Variants in NRG3 observed in about 807,000 individuals in gnomAD.
NRG3 encodes the protein neuregulin 3.
Under a neutral mutation model 66.9 loss-of-function variants are expected in NRG3, and 31 were observed. That is an observed-to-expected ratio of 0.46 (90% CI 0.35 to 0.63). The LOEUF (loss-of-function observed/expected upper bound fraction) is 0.63, where lower values mean the gene tolerates loss of function less well. Among genes scored for constraint, NRG3 ranks in the 20% least tolerant of loss-of-function variants. The pLI is 0.00. For missense variants in NRG3, 910 were observed against 878.9 expected, an observed-to-expected ratio of 1.04 and a Z score of -0.45; for synonymous variants, 393 against 359.4, an observed-to-expected ratio of 1.09 and a Z score of -1.06.
intron 1 of NRG3, among the ~76,000 whole-genome samples, chr10:82,050,104 G>A (rs896490721): frequency 1.1e-4 from 17 of 151,958 alleles, no homozygotes; most frequent in Non-Finnish European, 2.5e-4. Flanking sequence ...AGCAGTGATG[G>A]GGCTGAAGGA....
rs1296189581 is a variant in NRG3 at position 82,017,189 on chromosome 10, G to T, written c.823+141026G>T. Among the ~76,000 whole-genome samples, 4 of 152,242 alleles carry T rather than the reference G, an allele frequency of 2.6e-5. No individual in the cohort carries two copies. The East Asian group carries it at 5.8e-4, about 22-fold the overall frequency. ...TGTGAGTGAGAACACGTGGTGTTCG[G>T]TTTTTTGTCCTTGGGATAGTTTGCT... On this transcript the variant is annotated intron_variant, in intron 1 of 8. Transcript: ENST00000372141.
At chr10:82,888,261 T>TAC (rs778343632) in intron 4 of NRG3, among the ~76,000 whole-genome samples, 1 of 152,156 alleles carries the variant, frequency 6.6e-6, no homozygotes, top group Non-Finnish European at 1.5e-5. Context: ...AGGTGTTTTG[T>TAC]ACACACACAC....
intron 3 of NRG3, among the ~76,000 whole-genome samples, chr10:82,785,618 G>A (rs149183875): frequency 1.7e-3 from 252 of 152,178 alleles, no homozygotes; most frequent in African/African-American, 5.7e-3. Flanking sequence ...TGGACTTTGC[G>A]GAAGGCAACA....
At position 82,369,457 on chromosome 10, in the gene NRG3, C is replaced by T. The variant is rs1174356853; in HGVS notation, c.953+10589C>T. 1.5e-5 allele frequency among the ~76,000 whole-genome samples: 2 copies of T among 137,638 alleles called. 1 individual carries two copies. The highest frequency in any genetic ancestry group is 6.8e-5 in the African/African-American group (2 of 29,334). The allele number at this position is 137,638 out of a possible 152,430, so 90.3% of individuals were successfully genotyped here. Reference sequence around the variant, plus strand: ...GGGACTACAAGTGCACACCATCATGCCTGGCTAATTTTTTAAAGTTTTTGT... The same window carrying T: ...GGGACTACAAGTGCACACCATCATGTCTGGCTAATTTTTTAAAGTTTTTGT... On this transcript the variant is annotated intron_variant, in intron 2 of 8. Transcript: ENST00000372141.
At chr10:82,258,140 G>A (rs1244070847) in intron 1 of NRG3, among the ~76,000 whole-genome samples, 1 of 152,156 alleles carries the variant, frequency 6.6e-6, no homozygotes, top group Admixed American at 6.5e-5. Context: ...CAGTGCTGTA[G>A]GTGCTGTACG....
At chr10:82,876,441 A>G (rs1841827716) in intron 4 of NRG3, among the ~76,000 whole-genome samples, 1 of 152,214 alleles carries the variant, frequency 6.6e-6, no homozygotes, top group Admixed American at 6.5e-5. Flanking sequence ...AAACATTTTT[A>G]TGAATTGAAA....
At chr10:81,885,515 A>G (rs766544991) in intron 1 of NRG3, among the ~76,000 whole-genome samples, 2 of 152,182 alleles carry the variant, frequency 1.3e-5, no homozygotes, top group African/African-American at 2.4e-5. Context: ...ACTACAAACT[A>G]GACCCAATCA....
At chr10:82,196,004 A>G (rs1458567900) in intron 1 of NRG3, among the ~76,000 whole-genome samples, 2 of 152,212 alleles carry the variant, frequency 1.3e-5, no homozygotes, top group Non-Finnish European at 2.9e-5. Flanking sequence ...TCTGACCTGC[A>G]GGACTGCTTT....
chr10:82,968,937 A>G (rs117023117), intron 6 of NRG3, among the ~76,000 whole-genome samples: 2 of 152,326 alleles, frequency 1.3e-5, no homozygotes, highest in East Asian at 3.9e-4. Context: ...AGCAGACACA[A>G]GAGAAGAGAG....
At chr10:82,553,335 C>T (rs1201460859) in intron 2 of NRG3, among the ~76,000 whole-genome samples, 1 of 152,040 alleles carries the variant, frequency 6.6e-6, no homozygotes, top group Non-Finnish European at 1.5e-5. Flanking sequence ...CCGCACCCCC[C>T]ACACAATCAC....
chr10:82,506,443 G>A (rs748414413), intron 2 of NRG3, among the ~76,000 whole-genome samples: 1 of 152,038 alleles, frequency 6.6e-6, no homozygotes, highest in Non-Finnish European at 1.5e-5. Flanking sequence ...GAAACTTTTT[G>A]TAGAGAAGTG....
intron 2 of NRG3, among the ~76,000 whole-genome samples, chr10:82,632,271 A>G (rs182530617): frequency 2.0e-5 from 3 of 152,202 alleles, no homozygotes; most frequent in African/African-American, 7.2e-5. Flanking sequence ...GGCATATCGT[A>G]TACTCTGGGC....
intron 3 of NRG3, among the ~76,000 whole-genome samples, chr10:82,796,915 A>T (rs943645543): frequency 6.6e-6 from 1 of 152,190 alleles, no homozygotes; most frequent in Non-Finnish European, 1.5e-5. Context: ...AAATTATGCC[A>T]TAAAGCTAGT....
chr10:82,985,228 A>G lies in NRG3; in HGVS notation c.1714A>G (p.Ser572Gly). Reference protein sequence around the residue: ...DLVGYSSTRASSVPIIPSVGL... With the variant: ...DLVGYSSTRAGSVPIIPSVGL... ...GGTGGGCTATTCATCCACAAGGGCC[A>G]GTTCTGTGCCCATCATCCCTTCAGT... The change falls in exon 9 of 9, where the codon AGT (serine) becomes GGT (glycine). Residue 572 changes from serine (S) to glycine (G), a missense_variant. Ser to Gly is a moderately conservative substitution (Grantham distance 56). Transcript: ENST00000372141. 6.2e-7 allele frequency: 1 copy of G among 1,614,206 alleles called. No individual in the cohort carries two copies. The highest frequency in any genetic ancestry group is 8.5e-7 in the Non-Finnish European group (1 of 1,180,010).
chr10:82,375,843 A>G (rs1356839374), intron 2 of NRG3, among the ~76,000 whole-genome samples: 2 of 152,190 alleles, frequency 1.3e-5, no homozygotes, highest in African/African-American at 2.4e-5. Context: ...TCGCAATTTC[A>G]TCTGTTTCAG....
At chr10:82,437,898 G>A (rs1463395159) in intron 2 of NRG3, among the ~76,000 whole-genome samples, 1 of 152,150 alleles carries the variant, frequency 6.6e-6, no homozygotes. Context: ...AAGGAGCCTG[G>A]TGAACAGCAA....
At chr10:82,170,585 T>C (rs1160575185) in intron 1 of NRG3, among the ~76,000 whole-genome samples, 2 of 148,116 alleles carry the variant, frequency 1.4e-5, no homozygotes, top group African/African-American at 4.9e-5. Flanking sequence ...CACTAAAGCT[T>C]AATTTTCTCA....
At chr10:82,319,246 T>TG (rs2081436566) in intron 1 of NRG3, among the ~76,000 whole-genome samples, 1 of 152,352 alleles carries the variant, frequency 6.6e-6, no homozygotes, top group South Asian at 2.1e-4. Context: ...CATCTTCCCA[T>TG]CTGTACAGAC....
Position 82,032,390 on chromosome 10 carries a change from G to GTTT in NRG3, c.823+156228_823+156230dup, listed in dbSNP as rs917350580. ...CCTCTCAGGCCTCTCTTGGTTCCTG[G>GTTT]TTTGTTGTTGTTGTTGTTGTTTTTT... is the stretch of plus-strand genomic sequence containing the variant. On this transcript the variant is annotated intron_variant, in intron 1 of 8. Transcript: ENST00000372141. Among the ~76,000 whole-genome samples, 19 of 70,852 alleles carry GTTT rather than the reference G, an allele frequency of 2.7e-4. No homozygotes were observed. In the East Asian group the frequency reaches 3.8e-3, roughly 14 times the overall value. 46.5% of individuals were successfully genotyped at this position (70,852 alleles called of 152,430 possible).
Sources: allele counts gnomAD v4.1 joint callset (sites outside exome capture counted in the v4.1 genomes callset), GRCh38; gene constraint gnomAD v4.1.1; transcripts MANE v1.5; gene names NCBI Gene and HGNC (gene_info 2026-07-23, HGNC 2026-07-21).